Variants in MAP3K7 observed in about 807,000 individuals in gnomAD.
MAP3K7 encodes the protein TGF-beta activated kinase 1.
MAP3K7 carries 21 observed loss-of-function variants against 84.8 expected under a neutral mutation model. The observed-to-expected ratio is 0.25, with a 90% confidence interval of 0.18 to 0.36. The LOEUF (loss-of-function observed/expected upper bound fraction) is 0.36. MAP3K7 is among the 10% of genes least tolerant of loss of function. MAP3K7 has a pLI of 1.00. For missense variants in MAP3K7, 503 were observed against 747.7 expected (o/e 0.67, Z 3.82); for synonymous variants, 241 against 247.7 (o/e 0.97, Z 0.25).
intron 14 of MAP3K7, among the ~76,000 whole-genome samples, chr6:90,521,791 G>A (rs9353735): frequency 0.027 from 4,105 of 151,764 alleles, 69 homozygotes; most frequent in South Asian, 0.044. Flanking sequence ...GTGTCTTTTT[G>A]AATACCCATT....
At chr6:90,555,588 C>T (rs1582208078) in intron 6 of MAP3K7, among the ~76,000 whole-genome samples, 1 of 152,160 alleles carries the variant, frequency 6.6e-6, no homozygotes, top group East Asian at 1.9e-4. Flanking sequence ...CTCATTTAAA[C>T]TTTAGGGCTC....
intron 15 of MAP3K7, among the ~76,000 whole-genome samples, chr6:90,518,809 C>G (rs182140535): frequency 3.3e-5 from 5 of 151,874 alleles, no homozygotes; most frequent in Non-Finnish European, 7.4e-5. Flanking sequence ...GTTGTAGTCT[C>G]TGGTATGACA....
Position 90,587,020 on chromosome 6 carries a change from TAGAGGCAGCGGCCACAGCCGTGTCC to T in MAP3K7, c.-162_-138del, listed in dbSNP as rs1777488549. The T allele has an allele frequency of 1.8e-6, 2 of 1,084,620 alleles. No individual in the cohort carries two copies. The highest frequency in any genetic ancestry group is 2.5e-6 in the Non-Finnish European group (2 of 811,074). The allele number at this position is 1,084,620 out of a possible 1,614,324, so 67.2% of individuals were successfully genotyped here. Reference sequence around the variant, plus strand: ...ACTACCCGGCGATCCGTGGCGGGGGTAGAGGCAGCGGCCACAGCCGTGTCCGGCTCTGGCTCCGCTGCGTTTTCCG... The same window carrying T: ...ACTACCCGGCGATCCGTGGCGGGGGTGGCTCTGGCTCCGCTGCGTTTTCCG... On this transcript the variant is annotated 5_prime_UTR_variant, in exon 1 of 17. Transcript: ENST00000369329.
At position 90,515,207 on chromosome 6, in the gene MAP3K7, CTGA is replaced by C. The variant is rs1466364323; in HGVS notation, c.*1291_*1293del. 1 of 151,914 alleles carries C rather than the reference CTGA, an allele frequency of 6.6e-6. No homozygotes were observed. The highest frequency in any genetic ancestry group is 2.4e-5 in the African/African-American group (1 of 41,402). The allele number at this position is 151,914 out of a possible 1,614,324, so 9.4% of individuals were successfully genotyped here. On this transcript the variant is annotated 3_prime_UTR_variant, in exon 17 of 17. Transcript: ENST00000369329. ...AAACATTAATGCTATAAAAATCAGACTGATGACATCCTTATTTAAAAGACATCT... is the reference window on the plus strand; with the variant it reads ...AAACATTAATGCTATAAAAATCAGACTGACATCCTTATTTAAAAGACATCT...
At chr6:90,542,120 A>G in intron 12 of MAP3K7, 1 of 460,426 alleles carries the variant, frequency 2.2e-6, no homozygotes, top group Non-Finnish European at 2.9e-6. Context: ...GAACAAAACA[A>G]TTTCTAGAAA....
At chr6:90,542,222 A>G (rs1775874760) in intron 12 of MAP3K7, 1 of 982,778 alleles carries the variant, frequency 1.0e-6, no homozygotes, top group Admixed American at 6.2e-5. Context: ...GATGGGCGGT[A>G]TTTTTATATT....
intron 13 of MAP3K7, among the ~76,000 whole-genome samples, chr6:90,532,229 C>G (rs1775532380): frequency 6.6e-6 from 1 of 152,126 alleles, no homozygotes; most frequent in South Asian, 2.1e-4. Flanking sequence ...ACAAGGTTTC[C>G]TTATGATACA....
At chr6:90,586,378 CAAAAAAAAAAA>C (rs71027942) in intron 1 of MAP3K7, among the ~76,000 whole-genome samples, 63 of 78,568 alleles carry the variant, frequency 8.0e-4, no homozygotes, top group African/African-American at 3.2e-3. Context: ...GACTCCGTCT[CAAAAAAAAAAA>C]AAAAAAAAAA....
intron 14 of MAP3K7, among the ~76,000 whole-genome samples, chr6:90,522,782 C>A (rs1329625298): frequency 2.6e-5 from 4 of 152,038 alleles, no homozygotes; most frequent in Non-Finnish European, 4.4e-5. Flanking sequence ...ACTATAAATA[C>A]TTGAGTTGTA....
At position 90,547,182 on chromosome 6, in the gene MAP3K7, C is replaced by A. The variant is rs1776027867; in HGVS notation, c.1210+76G>T. The A allele has an allele frequency of 8.4e-6, 13 of 1,539,610 alleles. No homozygotes were observed. The South Asian group carries it at 1.4e-4, about 17-fold the overall frequency. ...AAAATATAAGACACACACAAAAAACCTTTGACAACTGAAACTACCATGGCC... is the reference window on the plus strand; with the variant it reads ...AAAATATAAGACACACACAAAAAACATTTGACAACTGAAACTACCATGGCC... On this transcript the variant is annotated intron_variant, in intron 11 of 16. Transcript: ENST00000369329.
chr6:90,564,687 C>A (rs756257783), intron 3 of MAP3K7, among the ~76,000 whole-genome samples: 1 of 152,120 alleles, frequency 6.6e-6, no homozygotes, highest in South Asian at 2.1e-4. Context: ...CAAGGATATC[C>A]ACGAATTGAA....
At chr6:90,575,276 C>A (rs991483068) in intron 1 of MAP3K7, among the ~76,000 whole-genome samples, 1 of 152,134 alleles carries the variant, frequency 6.6e-6, no homozygotes, top group African/African-American at 2.4e-5. Context: ...AACTTTTAAA[C>A]ACTTACCAGC....
In MAP3K7 at chr6:90,552,079, T is replaced by C. The variant is rs1396165430; in HGVS notation, c.837A>G (p.Glu279=). ...KDPSQRPSME[E]IVKIMTHLMR... ...TCAAGTGAGTCATTATTTTCACAATTTCCTCCATTGAAGGGCGCTGGGAAG... is the reference window on the plus strand; with the variant it reads ...TCAAGTGAGTCATTATTTTCACAATCTCCTCCATTGAAGGGCGCTGGGAAG... Residue 279 remains glutamate, a synonymous_variant, in exon 8 of 17, where the codon GAA becomes GAG. Transcript: ENST00000369329. 2 of 1,611,782 alleles carry C rather than the reference T, an allele frequency of 1.2e-6. No individual in the cohort carries two copies. The highest frequency in any genetic ancestry group is 1.1e-5 in the South Asian group (1 of 90,842).
At chr6:90,584,111 T>C (rs929686852) in intron 1 of MAP3K7, among the ~76,000 whole-genome samples, 5 of 152,210 alleles carry the variant, frequency 3.3e-5, no homozygotes, top group Admixed American at 6.5e-5. Flanking sequence ...GAGAAATACA[T>C]GATTTTCTTA....
chr6:90,555,603 T>C (rs1281737531), intron 6 of MAP3K7, among the ~76,000 whole-genome samples: 2 of 152,230 alleles, frequency 1.3e-5, no homozygotes, highest in Non-Finnish European at 2.9e-5. Flanking sequence ...GGGCTCTCAA[T>C]TTTTAATTGC....
intron 13 of MAP3K7, 102 bp from the exon 14 acceptor site, chr6:90,523,885 C>G (rs1775236719): frequency 3.0e-6 from 2 of 671,072 alleles, no homozygotes; most frequent in Admixed American, 5.0e-5. Context: ...AGAGATCCCC[C>G]CAAAACTCTT....
In MAP3K7 at chr6:90,523,787, C is replaced by T. The variant is rs1775232276; in HGVS notation, c.1357-4G>A. ...GACTGGATGACCTACTGCTCACCTA[C>T]AGGAAGAAGTCACAGGAGAAACAAA... On this transcript the variant is annotated splice_region_variant and splice_polypyrimidine_tract_variant and intron_variant, in intron 13 of 16. Transcript: ENST00000369329. The T allele has an allele frequency of 6.6e-7, 1 of 1,518,516 alleles. No homozygotes were observed. Among genetic ancestry groups the T allele is most frequent in the African/African-American group, 1.4e-5 (1 of 73,044 alleles). 94.1% of individuals were successfully genotyped at this position (1,518,516 alleles called of 1,614,324 possible). A position where few individuals can be genotyped will look rare whatever the true frequency, so the allele number is the denominator to read the frequency against.
chr6:90,569,896 A>G (rs1776842935), intron 2 of MAP3K7, among the ~76,000 whole-genome samples: 2 of 152,010 alleles, frequency 1.3e-5, no homozygotes, highest in Non-Finnish European at 2.9e-5. Flanking sequence ...TATTACATAC[A>G]TTATGCTGCT....
intron 1 of MAP3K7, among the ~76,000 whole-genome samples, chr6:90,585,604 A>T (rs573135750): frequency 5.3e-5 from 8 of 152,210 alleles, no homozygotes; most frequent in South Asian, 4.1e-4. Context: ...TAAAAAATAT[A>T]TATGCAGTTT....
Sources: allele counts gnomAD v4.1 joint callset (sites outside exome capture counted in the v4.1 genomes callset), GRCh38; gene constraint gnomAD v4.1.1; transcripts MANE v1.5; gene names NCBI Gene and HGNC (gene_info 2026-07-23, HGNC 2026-07-21).